Variants in PDZRN4 observed in about 807,000 individuals in gnomAD.
PDZRN4 encodes PDZ domain containing ring finger 4.
A neutral mutation model predicts 99.0 loss-of-function variants in PDZRN4; 70 were observed. The ratio of observed to expected loss-of-function variants is 0.71; its 90% CI spans 0.58 to 0.86. The LOEUF is 0.86. PDZRN4 is among the 40% of genes least tolerant of loss of function. PDZRN4 has a pLI of 0.00. For synonymous variants in PDZRN4, 551 were observed against 501.6 expected (o/e 1.10, Z -1.32); for missense variants, 1,474 against 1,331.2 (o/e 1.11, Z -1.67).
At chr12:41,369,186 G>A (rs1275897960) in intron 3 of PDZRN4, among the ~76,000 whole-genome samples, 1 of 152,000 alleles carries the variant, frequency 6.6e-6, no homozygotes, top group Non-Finnish European at 1.5e-5. Context: ...ATTTTATTGG[G>A]AAGGGAAGAT....
chr12:41,480,420 G>T (rs1937654099), intron 3 of PDZRN4, among the ~76,000 whole-genome samples: 1 of 152,126 alleles, frequency 6.6e-6, no homozygotes, highest in African/African-American at 2.4e-5. Context: ...TGGAGTAAGA[G>T]ATCTTTCTGA....
chr12:41,219,006 A>G (rs1432524570), intron 3 of PDZRN4, among the ~76,000 whole-genome samples: 1 of 152,076 alleles, frequency 6.6e-6, no homozygotes. Flanking sequence ...ATCTAGGAAT[A>G]TTATCTTACT....
At chr12:41,444,273 C>A (rs1164750082) in intron 3 of PDZRN4, among the ~76,000 whole-genome samples, 1 of 152,094 alleles carries the variant, frequency 6.6e-6, no homozygotes. Flanking sequence ...AAATCCTTCA[C>A]CCAACGTCAT....
At chr12:41,336,517 T>A (rs1951775786) in intron 3 of PDZRN4, among the ~76,000 whole-genome samples, 1 of 57,782 alleles carries the variant, frequency 1.7e-5, no homozygotes, top group South Asian at 5.3e-4. Flanking sequence ...GAACATCAAC[T>A]TTCTCTGTAC....
At chr12:41,399,750 A>AT in intron 3 of PDZRN4, among the ~76,000 whole-genome samples, 1 of 151,906 alleles carries the variant, frequency 6.6e-6, no homozygotes, top group East Asian at 1.9e-4. Flanking sequence ...AAAAAAAAAA[A>AT]GTATTTCAAC....
intron 3 of PDZRN4, among the ~76,000 whole-genome samples, chr12:41,375,942 T>C (rs1168898378): frequency 6.6e-6 from 1 of 152,202 alleles, no homozygotes; most frequent in Non-Finnish European, 1.5e-5. Flanking sequence ...CATTCTACTC[T>C]TAATTTCTGA....
chr12:41,451,005 A>G (rs963842539), intron 3 of PDZRN4, among the ~76,000 whole-genome samples: 2 of 151,800 alleles, frequency 1.3e-5, no homozygotes, highest in African/African-American at 4.8e-5. Flanking sequence ...AATTTTTTTA[A>G]GTTTTTTGGG....
intron 3 of PDZRN4, among the ~76,000 whole-genome samples, chr12:41,355,603 A>G (rs1478921756): frequency 6.6e-6 from 1 of 152,132 alleles, no homozygotes; most frequent in Admixed American, 6.6e-5. Context: ...TCAGTTTTTA[A>G]CAACCTTTTC....
At position 41,573,334 on chromosome 12, in the gene PDZRN4, G is replaced by T; in HGVS notation, c.2555G>T (p.Ser852Ile). 6.2e-7 allele frequency: 1 copy of T among 1,613,238 alleles called. No individual in the cohort carries two copies. The highest frequency in any genetic ancestry group is 8.5e-7 in the Non-Finnish European group (1 of 1,180,014). ...CCAGCACACGCCCGGCATTATCAAAGCTACATGCAGTTAATTCAACAGAAA... is the reference window on the plus strand; with the variant it reads ...CCAGCACACGCCCGGCATTATCAAATCTACATGCAGTTAATTCAACAGAAA... ...NIPAHARHYQ[S>I]YMQLIQQKSA... is the part of the protein sequence containing the mutation. Residue 852 changes from serine to isoleucine, a missense_variant, in exon 10 of 10, where the codon AGC (serine) becomes ATC (isoleucine). Coordinates refer to ENST00000402685, the MANE Select transcript of PDZRN4 (RefSeq NM_001164595.2).
chr12:41,240,868 A>G (rs1278468643), intron 3 of PDZRN4, among the ~76,000 whole-genome samples: 2 of 152,126 alleles, frequency 1.3e-5, no homozygotes, highest in Non-Finnish European at 2.9e-5. Context: ...TAATACTATC[A>G]TCTTGGGGGT....
At chr12:41,226,900 C>A in intron 3 of PDZRN4, among the ~76,000 whole-genome samples, 1 of 152,096 alleles carries the variant, frequency 6.6e-6, no homozygotes, top group East Asian at 1.9e-4. Context: ...TTGTGCCAGT[C>A]AAACTGACTT....
intron 3 of PDZRN4, among the ~76,000 whole-genome samples, chr12:41,327,552 G>T (rs1037657050): frequency 1.3e-5 from 2 of 152,148 alleles, no homozygotes; most frequent in Admixed American, 1.3e-4. Flanking sequence ...TAAAACCTAT[G>T]TGTAGCTTGT....
At chr12:41,364,236 A>G (rs965979060) in intron 3 of PDZRN4, among the ~76,000 whole-genome samples, 1 of 152,082 alleles carries the variant, frequency 6.6e-6, no homozygotes, top group African/African-American at 2.4e-5. Flanking sequence ...TGCTTTTTAA[A>G]TGTACCCTTC....
At chr12:41,334,182 C>T (rs554381550) in intron 3 of PDZRN4, among the ~76,000 whole-genome samples, 155 of 152,198 alleles carry the variant, frequency 1.0e-3, no homozygotes, top group South Asian at 7.5e-3. Context: ...ATAACAAGGT[C>T]TTTGCTGGCC....
chr12:41,282,609 C>G (rs1308364476), intron 3 of PDZRN4, among the ~76,000 whole-genome samples: 3 of 152,266 alleles, frequency 2.0e-5, no homozygotes, highest in Admixed American at 6.5e-5. Flanking sequence ...TAAAATCAAC[C>G]ACATGATTGG....
intron 3 of PDZRN4, among the ~76,000 whole-genome samples, chr12:41,225,640 A>G (rs1950988497): frequency 6.6e-6 from 1 of 152,162 alleles, no homozygotes; most frequent in Admixed American, 6.6e-5. Flanking sequence ...TTCTGTATCA[A>G]AATGGATGAC....
In PDZRN4 at chr12:41,573,584, G is replaced by A; in HGVS notation, c.2805G>A (p.Met935Ile). 5 of 1,613,946 alleles carry A rather than the reference G, an allele frequency of 3.1e-6. No homozygotes were observed. The highest frequency in any genetic ancestry group is 3.4e-6 in the Non-Finnish European group (4 of 1,179,964). Residue 935 changes from methionine to isoleucine, a missense_variant, in exon 10 of 10, where the codon ATG becomes ATA. Coordinates refer to ENST00000402685, the MANE Select transcript of PDZRN4 (RefSeq NM_001164595.2). ...MTTDDDTMSE[M>I]KMGRYWSKEE... ...CAGACGATGACACCATGAGCGAGAT[G>A]AAAATGGGGCGCTACTGGAGCAAAG...
At chr12:41,453,845 TA>T in intron 3 of PDZRN4, among the ~76,000 whole-genome samples, 1 of 141,374 alleles carries the variant, frequency 7.1e-6, no homozygotes, top group Admixed American at 7.1e-5. Flanking sequence ...TTAAGTGCTT[TA>T]ATTAGCAGGT....
intron 3 of PDZRN4, among the ~76,000 whole-genome samples, chr12:41,265,908 T>A (rs373994291): frequency 7.2e-5 from 11 of 152,268 alleles, no homozygotes; most frequent in African/African-American, 2.2e-4. Flanking sequence ...CTCTAATATC[T>A]ACGTAAAATG....
Sources: allele counts gnomAD v4.1 joint callset (sites outside exome capture counted in the v4.1 genomes callset), GRCh38; gene constraint gnomAD v4.1.1; transcripts MANE v1.5; gene names NCBI Gene and HGNC (gene_info 2026-07-23, HGNC 2026-07-21).